Variants in KIF16B observed in about 807,000 individuals in gnomAD.
KIF16B encodes kinesin family member 16B.
In KIF16B, 98 loss-of-function variants were observed where a neutral mutation model predicts 156.3. That is an observed-to-expected ratio of 0.63 (90% CI 0.53 to 0.74). The LOEUF is 0.74. Ranked by LOEUF, KIF16B falls within the 30% of genes least tolerant of loss-of-function variation. The pLI, the probability that KIF16B is intolerant of heterozygous loss-of-function variation, is 0.00. For missense variants in KIF16B, 1,421 were observed against 1,606.5 expected (o/e 0.88, Z 1.97); for synonymous variants, 564 against 583.7 (o/e 0.97, Z 0.49).
intron 24 of KIF16B, among the ~76,000 whole-genome samples, chr20:16,317,601 T>C (rs1438644166): frequency 6.6e-6 from 1 of 152,202 alleles, no homozygotes; most frequent in East Asian, 1.9e-4. Flanking sequence ...GAAACCATTC[T>C]GGTTAAAGAT....
chr20:16,498,065 T>G (rs2068504588), intron 10 of KIF16B, among the ~76,000 whole-genome samples: 1 of 152,146 alleles, frequency 6.6e-6, no homozygotes, highest in Non-Finnish European at 1.5e-5. Flanking sequence ...GCTTCTGAGA[T>G]TTGCTCTTAC....
intron 25 of KIF16B, among the ~76,000 whole-genome samples, chr20:16,278,580 G>A (rs774444317): frequency 6.6e-6 from 1 of 152,094 alleles, no homozygotes; most frequent in Non-Finnish European, 1.5e-5. Context: ...CAGTGAGCAG[G>A]GGTTACAGGT....
intron 24 of KIF16B, among the ~76,000 whole-genome samples, chr20:16,334,891 T>C (rs1401940786): frequency 3.3e-5 from 5 of 152,298 alleles, no homozygotes; most frequent in Non-Finnish European, 4.4e-5. Context: ...ACCCAGTCTC[T>C]GGTAATCCTT....
intron 24 of KIF16B, among the ~76,000 whole-genome samples, chr20:16,316,793 T>C (rs965738341): frequency 2.6e-5 from 4 of 152,238 alleles, no homozygotes; most frequent in Admixed American, 2.0e-4. Context: ...GTTTCATTTC[T>C]GAAGTGTAAA....
chr20:16,558,455 G>A (rs995920964), intron 1 of KIF16B, among the ~76,000 whole-genome samples: 12 of 152,194 alleles, frequency 7.9e-5, no homozygotes, highest in East Asian at 1.9e-4. Flanking sequence ...CCCCTCTTCC[G>A]CTGGCTAAGC....
chr20:16,533,079 C>A (rs2069818846), intron 1 of KIF16B, among the ~76,000 whole-genome samples: 1 of 152,304 alleles, frequency 6.6e-6, no homozygotes, highest in African/African-American at 2.4e-5. Flanking sequence ...TTTTTATTAG[C>A]TACTTCTAAA....
intron 6 of KIF16B, among the ~76,000 whole-genome samples, chr20:16,510,730 A>C (rs1387976126): frequency 6.6e-6 from 1 of 152,232 alleles, no homozygotes; most frequent in Non-Finnish European, 1.5e-5. Context: ...CAAAACCAGG[A>C]AGAACTTTAA....
chr20:16,407,797 G>GT (rs2065824205), intron 15 of KIF16B, among the ~76,000 whole-genome samples: 1 of 152,122 alleles, frequency 6.6e-6, no homozygotes, highest in East Asian at 1.9e-4. Context: ...GTCTATAGAT[G>GT]TATTTTTTTG....
At chr20:16,314,561 C>G (rs933812949) in intron 24 of KIF16B, among the ~76,000 whole-genome samples, 1 of 152,116 alleles carries the variant, frequency 6.6e-6, no homozygotes, top group South Asian at 2.1e-4. Flanking sequence ...CAAGACAGAC[C>G]CAGTCTGAAT....
At chr20:16,514,680 C>G (rs1266905991) in intron 4 of KIF16B, among the ~76,000 whole-genome samples, 1 of 150,074 alleles carries the variant, frequency 6.7e-6, no homozygotes, top group Non-Finnish European at 1.5e-5. Flanking sequence ...CATCTAAGGT[C>G]AGAAGTTCGA....
At chr20:16,539,152 G>A (rs900705655) in intron 1 of KIF16B, among the ~76,000 whole-genome samples, 2 of 152,018 alleles carry the variant, frequency 1.3e-5, no homozygotes, top group Non-Finnish European at 2.9e-5. Context: ...CCAAGCAGTA[G>A]GGCATTGCTA....
At chr20:16,470,494 T>C (rs2067630747) in intron 12 of KIF16B, among the ~76,000 whole-genome samples, 1 of 152,100 alleles carries the variant, frequency 6.6e-6, no homozygotes, top group Admixed American at 6.5e-5. Flanking sequence ...TTTGTTTTGT[T>C]TTGTTTTGAG....
At chr20:16,314,943 C>T (rs781082413) in intron 24 of KIF16B, among the ~76,000 whole-genome samples, 4 of 152,144 alleles carry the variant, frequency 2.6e-5, no homozygotes, top group East Asian at 1.9e-4. Context: ...CCAGTACAAA[C>T]GTGCCTCCCG....
At chr20:16,533,196 T>C (rs1316570796) in intron 1 of KIF16B, among the ~76,000 whole-genome samples, 1 of 152,146 alleles carries the variant, frequency 6.6e-6, no homozygotes, top group Non-Finnish European at 1.5e-5. Flanking sequence ...GGAGGCAGTT[T>C]CACTATTCTG....
At chr20:16,350,112 T>A (rs2064307610) in intron 23 of KIF16B, among the ~76,000 whole-genome samples, 1 of 152,240 alleles carries the variant, frequency 6.6e-6, no homozygotes, top group African/African-American at 2.4e-5. Context: ...ACTGTTACTA[T>A]GGCACCTAAA....
intron 12 of KIF16B, among the ~76,000 whole-genome samples, chr20:16,440,558 CACACACACACACACACACACACACACAG>C (rs2066770253): frequency 1.1e-5 from 1 of 95,202 alleles, no homozygotes. Flanking sequence ...CACACACACA[CACACACACACACACACACACACACACAG>C]GTACACATTT....
rs890998506 is a variant in KIF16B at position 16,272,818 on chromosome 20, T to G, written c.*435A>C. 1.3e-5 allele frequency: 2 copies of G among 153,796 alleles called. No homozygotes were observed. 9.5% of individuals were successfully genotyped at this position (153,796 alleles called of 1,614,324 possible). On this transcript the variant is annotated 3_prime_UTR_variant, in exon 26 of 26. Transcript: ENST00000354981. ...TATAGCCAGCCACATGGAAGAAATA[T>G]AAAAAATACGAGTATATTTTGGTGA...
At chr20:16,539,611 A>C (rs1327322884) in intron 1 of KIF16B, among the ~76,000 whole-genome samples, 1 of 151,854 alleles carries the variant, frequency 6.6e-6, no homozygotes, top group Non-Finnish European at 1.5e-5. Context: ...TTTGCCTTCC[A>C]CCATGAGTAA....
chr20:16,410,505 C>G (rs986634823), intron 15 of KIF16B, among the ~76,000 whole-genome samples: 8 of 151,844 alleles, frequency 5.3e-5, no homozygotes, highest in Admixed American at 5.3e-4. Flanking sequence ...AAATGGGACC[C>G]AAGTCTAAAC....
Sources: gnomAD v4.1 joint callset for allele counts (sites outside exome capture counted in the v4.1 genomes callset) on GRCh38, gnomAD v4.1.1 for gene constraint, MANE v1.5 for transcripts, NCBI Gene and HGNC (gene_info 2026-07-23, HGNC 2026-07-21) for gene names.